NALF1: variants seen among roughly 807,000 people sequenced by gnomAD.
The protein encoded by NALF1 is family with sequence similarity 155 member A.
Under a neutral mutation model 48.4 loss-of-function variants are expected in NALF1, and 3 were observed. The ratio of observed to expected loss-of-function variants is 0.06; its 90% CI spans 0.03 to 0.16. NALF1 has a LOEUF of 0.16. NALF1 is among the 10% of genes least tolerant of loss of function. The probability of loss-of-function intolerance (pLI) is 1.00; values close to 1 mark genes in which losing one functional copy is unlikely to be tolerated. For synonymous variants in NALF1, 262 were observed against 245.7 expected, an observed-to-expected ratio of 1.07 and a Z score of -0.62; for missense variants, 526 against 571.5, an observed-to-expected ratio of 0.92 and a Z score of 0.81.
chr13:107,469,722 C>G (rs1193588639), intron 1 of NALF1, among the ~76,000 whole-genome samples: 1 of 140,748 alleles, frequency 7.1e-6, no homozygotes, highest in Admixed American at 7.2e-5. Flanking sequence ...TGCGATGAGT[C>G]AACTGTGTAT....
intron 2 of NALF1, among the ~76,000 whole-genome samples, chr13:107,204,274 T>C (rs995201053): frequency 6.6e-6 from 1 of 152,160 alleles, no homozygotes; most frequent in African/African-American, 2.4e-5. Flanking sequence ...CTCATTCTCC[T>C]CTGCAGCTGC....
chr13:107,399,902 A>G (rs767779049), intron 1 of NALF1, among the ~76,000 whole-genome samples: 2 of 152,192 alleles, frequency 1.3e-5, no homozygotes, highest in Non-Finnish European at 2.9e-5. Context: ...AAAATGAATT[A>G]TTTACATAAA....
intron 1 of NALF1, among the ~76,000 whole-genome samples, chr13:107,757,874 T>G (rs1877156717): frequency 6.6e-6 from 1 of 152,238 alleles, no homozygotes. Context: ...TCTTGAGTTT[T>G]GTAATTACAT....
chr13:107,634,448 T>G (rs1458681396), intron 1 of NALF1, among the ~76,000 whole-genome samples: 1 of 152,174 alleles, frequency 6.6e-6, no homozygotes, highest in Non-Finnish European at 1.5e-5. Flanking sequence ...AGCATGAATT[T>G]TTTAAAAAAT....
intron 1 of NALF1, among the ~76,000 whole-genome samples, chr13:107,586,041 C>T (rs756581117): frequency 6.6e-6 from 1 of 151,768 alleles, no homozygotes; most frequent in Non-Finnish European, 1.5e-5. Flanking sequence ...CAGCAGGTGA[C>T]AAAAATGGAG....
At chr13:107,719,970 CTT>C (rs2138526450) in intron 1 of NALF1, among the ~76,000 whole-genome samples, 1 of 152,248 alleles carries the variant, frequency 6.6e-6, no homozygotes, top group South Asian at 2.1e-4. Context: ...ATGTTTCTCT[CTT>C]TGCTTGGAAT....
chr13:107,496,481 A>T (rs1679861720), intron 1 of NALF1, among the ~76,000 whole-genome samples: 1 of 152,160 alleles, frequency 6.6e-6, no homozygotes, highest in Admixed American at 6.5e-5. Flanking sequence ...CTGGACTGAC[A>T]TCTGGAAGCA....
At chr13:107,794,471 G>GTT (rs10649905) in intron 1 of NALF1, among the ~76,000 whole-genome samples, 9,456 of 142,804 alleles carry the variant, frequency 0.066, 616 homozygotes, top group East Asian at 0.39. Flanking sequence ...AGCATGCAGT[G>GTT]TTTTTTTTTT....
At chr13:107,173,662 T>C (rs1223806896) in intron 2 of NALF1, among the ~76,000 whole-genome samples, 1 of 152,206 alleles carries the variant, frequency 6.6e-6, no homozygotes, top group Non-Finnish European at 1.5e-5. Context: ...CGTCCCCTTC[T>C]TTCTCCTTTT....
At chr13:107,643,962 A>AT (rs35582790) in intron 1 of NALF1, among the ~76,000 whole-genome samples, 29,005 of 138,004 alleles carry the variant, frequency 0.21, 3,050 homozygotes, top group Middle Eastern at 0.35. Flanking sequence ...GTTTCAGATG[A>AT]TTTTTTTTTT....
At chr13:107,859,311 T>C (rs1210042129) in intron 1 of NALF1, among the ~76,000 whole-genome samples, 17 of 152,208 alleles carry the variant, frequency 1.1e-4, no homozygotes, top group Admixed American at 1.1e-3. Context: ...CCACACATGT[T>C]CTACTGCTAA....
intron 1 of NALF1, among the ~76,000 whole-genome samples, chr13:107,568,396 A>G (rs915677536): frequency 7.2e-5 from 11 of 152,256 alleles, no homozygotes; most frequent in African/African-American, 2.7e-4. Context: ...TATCACAAAT[A>G]CAGCTGCTAT....
chr13:107,490,060 CTAT>C (rs1885390656), intron 1 of NALF1, among the ~76,000 whole-genome samples: 1 of 152,004 alleles, frequency 6.6e-6, no homozygotes, highest in Non-Finnish European at 1.5e-5. Context: ...GTCAGAATGG[CTAT>C]TATTAAAAAA....
At chr13:107,542,097 G>A (rs1566385710) in intron 1 of NALF1, among the ~76,000 whole-genome samples, 1 of 152,010 alleles carries the variant, frequency 6.6e-6, no homozygotes, top group Non-Finnish European at 1.5e-5. Context: ...ATCAAAGGAT[G>A]AATGGAAAAC....
intron 1 of NALF1, among the ~76,000 whole-genome samples, chr13:107,229,169 C>T (rs1334778276): frequency 6.6e-6 from 1 of 152,082 alleles, no homozygotes; most frequent in Non-Finnish European, 1.5e-5. Flanking sequence ...TAGACACACA[C>T]ACTCAAATAT....
chr13:107,509,843 T>A (rs1255894477), intron 1 of NALF1, among the ~76,000 whole-genome samples: 2 of 152,200 alleles, frequency 1.3e-5, no homozygotes, highest in African/African-American at 4.8e-5. Context: ...TTTCACTCTG[T>A]CACCCAGGCT....
intron 1 of NALF1, among the ~76,000 whole-genome samples, chr13:107,622,470 AC>A (rs1360920021): frequency 6.6e-4 from 60 of 91,576 alleles, no homozygotes; most frequent in African/African-American, 1.4e-3. Flanking sequence ...AACAACAACA[AC>A]AAAAAAAAAA....
intron 1 of NALF1, among the ~76,000 whole-genome samples, chr13:107,848,724 T>C (rs1446778540): frequency 3.3e-5 from 5 of 152,174 alleles, no homozygotes; most frequent in Non-Finnish European, 5.9e-5. Flanking sequence ...AATTACCTTT[T>C]GGAAACATAA....
intron 1 of NALF1, among the ~76,000 whole-genome samples, chr13:107,468,013 C>A (rs34224395): frequency 0.019 from 2,884 of 150,582 alleles, 50 homozygotes; most frequent in Middle Eastern, 0.037. Flanking sequence ...GCGCCACTGC[C>A]CTCCAGCCTG....
Sources: allele counts gnomAD v4.1 joint callset (sites outside exome capture counted in the v4.1 genomes callset), GRCh38; gene constraint gnomAD v4.1.1; transcripts MANE v1.5; gene names NCBI Gene and HGNC (gene_info 2026-07-23, HGNC 2026-07-21).